COX7A2L: variants seen among roughly 807,000 people sequenced by gnomAD.
COX7A2L encodes the protein cytochrome c oxidase subunit 7A2-like, mitochondrial.
A neutral mutation model predicts 14.2 loss-of-function variants in COX7A2L; 18 were observed. The ratio of observed to expected loss-of-function variants is 1.27; its 90% CI spans 0.88 to 1.88. The LOEUF is 1.88. Ranked by LOEUF, COX7A2L falls within the 40% of genes most tolerant of loss-of-function variation. The pLI is 0.00. For synonymous variants in COX7A2L, 65 were observed against 57.4 expected, an observed-to-expected ratio of 1.13 and a Z score of -0.60; for missense variants, 179 against 138.8, an observed-to-expected ratio of 1.29 and a Z score of -1.46.
chr2:42,339,850 T>TG lies in COX7A2L; in HGVS notation c.193-5982dup, dbSNP rs945338099. Among the ~76,000 whole-genome samples the TG allele has an allele frequency of 1.2e-4, 19 of 152,098 alleles. No individual in the cohort carries two copies. Among genetic ancestry groups the TG allele is most frequent in the African/African-American group, 3.9e-4 (16 of 41,398 alleles). ...GGTTTGGTTTTAGCTTTTACATGAA[T>TG]GGAACCCCAAGTGTGCTCTCTGTCG... On this transcript the variant is annotated intron_variant, in intron 2 of 2. Coordinates refer to the COX7A2L transcript ENST00000468711. This position sits in a 1 kb window ranked among gnomAD's most constrained non-coding sequence, Gnocchi z 5.4.
Position 42,339,184 on chromosome 2 carries a change from A to ATT in COX7A2L, c.193-5317_193-5316dup, listed in dbSNP as rs1188035365. 6.6e-6 allele frequency among the ~76,000 whole-genome samples: 1 copy of ATT among 152,194 alleles called. No individual in the cohort carries two copies. The highest frequency in any genetic ancestry group is 2.4e-5 in the African/African-American group (1 of 41,456). ...TTTTTTAATCAAATTTTAGTAGTTA[A>ATT]TTACTTTTTTTATTAACCATTATCA... On this transcript the variant is annotated intron_variant, in intron 2 of 2. Transcript: ENST00000468711. The surrounding 1 kb of genome is among the most constrained non-coding windows in gnomAD (Gnocchi z 5.4).
rs568236907 is a variant in COX7A2L, at chr2:42,366,283, G to A, written c.-688+2585C>T. Among the ~76,000 whole-genome samples, 19 of 152,228 alleles carry A rather than the reference G, an allele frequency of 1.2e-4. No individual in the cohort carries two copies. The East Asian group carries it at 2.9e-3, about 23-fold the overall frequency. On this transcript the variant is annotated intron_variant, in intron 1 of 3. Coordinates refer to the COX7A2L transcript ENST00000378669. ...CATCTCTAAAATACAAAAATTAGTC[G>A]GGCGTGATTGCACACCTGTAGTCCC...
intron 2 of COX7A2L, among the ~76,000 whole-genome samples, chr2:42,340,006 A>ACACCCCTGGTTTCTGCAGC (rs1308388738): frequency 6.6e-6 from 1 of 152,084 alleles, no homozygotes. Flanking sequence ...AATGTCGCAG[A>ACACCCCTGGTTTCTGCAGC]CACCCCTGGT....
At chr2:42,368,175 T>A (rs1434467974) in intron 1 of COX7A2L, among the ~76,000 whole-genome samples, 1 of 152,222 alleles carries the variant, frequency 6.6e-6, no homozygotes, top group Non-Finnish European at 1.5e-5. Context: ...TGTGCACTCA[T>A]GTTTTGTTTA....
At chr2:42,348,961 C>G (rs530227066), downstream of COX7A2L, among the ~76,000 whole-genome samples, 1 of 152,182 alleles carries the variant, frequency 6.6e-6, no homozygotes, top group South Asian at 2.1e-4. Context: ...ATGTATGATC[C>G]TTTGCTGGAT....
chr2:42,350,388 T>C lies in COX7A2L; in HGVS notation c.*831A>G, dbSNP rs1168124569. The C allele has an allele frequency of 1.3e-5, 2 of 152,200 alleles. No homozygotes were observed. The highest frequency in any genetic ancestry group is 2.9e-5 in the Non-Finnish European group (2 of 68,032). The allele number at this position is 152,200 out of a possible 1,614,324, so 9.4% of individuals were successfully genotyped here. ...ATTACTAGACTTTTAAGAACCATTT[T>C]ATAAAGATTATCTGGTGCCTAATTA... On this transcript the variant is annotated 3_prime_UTR_variant, in exon 3 of 3. Transcript: ENST00000234301.
At chr2:42,345,921 G>A (rs1433096129), downstream of COX7A2L, among the ~76,000 whole-genome samples, 5 of 152,184 alleles carry the variant, frequency 3.3e-5, no homozygotes, top group Admixed American at 2.0e-4. Flanking sequence ...AGACGAGCCG[G>A]TGAGAGGGAG....
At chr2:42,337,483 AGG>A (rs34048080) in intron 2 of COX7A2L, among the ~76,000 whole-genome samples, 3 of 152,040 alleles carry the variant, frequency 2.0e-5, no homozygotes, top group Non-Finnish European at 4.4e-5. Flanking sequence ...GCAACTACAA[AGG>A]GGTGGCACAA....
rs774564757 is a variant in COX7A2L, at chr2:42,361,130, T to A, written c.32A>T (p.Lys11Met). Reference sequence around the variant, plus strand: ...CTCCGAAGCCCATGCTCCTGCCAACTTCTGCGTGAAGCCACTAAACTTGTA... The same window carrying A: ...CTCCGAAGCCCATGCTCCTGCCAACATCTGCGTGAAGCCACTAAACTTGTA... MYYKFSGFTQ[K>M]LAGAWASEAY... Residue 11 changes from lysine to methionine, a missense_variant, in exon 1 of 3, where the codon AAG (lysine) becomes ATG (methionine). By Grantham distance (95) the Lys-to-Met change is moderately conservative. Coordinates refer to ENST00000234301, the MANE Select transcript of COX7A2L (RefSeq NM_004718.4). 2.5e-6 allele frequency: 4 copies of A among 1,613,824 alleles called. No individual in the cohort carries two copies. Among genetic ancestry groups the A allele is most frequent in the Non-Finnish European group, 2.5e-6 (3 of 1,179,922 alleles).
Position 42,349,754 on chromosome 2 carries a change from T to C in COX7A2L, c.*1465A>G, listed in dbSNP as rs1670580814. The C allele has an allele frequency of 6.6e-6, 1 of 152,196 alleles. No individual in the cohort carries two copies. Among genetic ancestry groups the C allele is most frequent in the Admixed American group, 6.5e-5 (1 of 15,278 alleles). 9.4% of individuals were successfully genotyped at this position (152,196 alleles called of 1,614,324 possible). ...ACTTTATTGAGTCTGACAACTGCATTATGGTTATAAAGGAACACATGTCCT... is the reference window on the plus strand; with the variant it reads ...ACTTTATTGAGTCTGACAACTGCATCATGGTTATAAAGGAACACATGTCCT... On this transcript the variant is annotated 3_prime_UTR_variant, in exon 3 of 3. Coordinates refer to ENST00000234301, the MANE Select transcript of COX7A2L (RefSeq NM_004718.4).
downstream of COX7A2L, among the ~76,000 whole-genome samples, chr2:42,347,653 G>A (rs750291494): frequency 4.6e-5 from 7 of 152,162 alleles, no homozygotes; most frequent in South Asian, 2.1e-4. Flanking sequence ...CGGGCGTGGT[G>A]GCTCACACCT....
downstream of COX7A2L, among the ~76,000 whole-genome samples, chr2:42,346,930 G>C (rs576279387): frequency 6.6e-6 from 1 of 151,608 alleles, no homozygotes. Context: ...AAATTCTTTA[G>C]AGATTGGCTT....
At chr2:42,345,191 T>C (rs1351457199), downstream of COX7A2L, among the ~76,000 whole-genome samples, 1 of 152,074 alleles carries the variant, frequency 6.6e-6, no homozygotes, top group Non-Finnish European at 1.5e-5. Context: ...GAGACCAGCC[T>C]GACCAACATG....
chr2:42,351,333 C>A lies in COX7A2L; in HGVS notation c.231G>T (p.Leu77=). The A allele has an allele frequency of 6.2e-7, 1 of 1,614,136 alleles. No homozygotes were observed. The highest frequency in any genetic ancestry group is 8.5e-7 in the Non-Finnish European group (1 of 1,180,014). The change falls in exon 3 of 3, where the codon CTG becomes CTT. Residue 77 remains leucine (L), a synonymous_variant. Transcript: ENST00000234301. ...GCATTTGGTCAGGCAGGCCTCGTTT[C>A]AGGTAGACGGGCACACCATCAGCTT... The part of the protein sequence containing the change: ...FQKADGVPVY[L]KRGLPDQMLY...
chr2:42,359,454 C>A (rs1282631503), intron 1 of COX7A2L: 2 of 152,146 alleles, frequency 1.3e-5, no homozygotes, highest in Non-Finnish European at 2.9e-5. Context: ...CATTTAATAT[C>A]CATACACTGG....
chr2:42,347,722 G>A (rs1670526423), downstream of COX7A2L, among the ~76,000 whole-genome samples: 2 of 152,182 alleles, frequency 1.3e-5, no homozygotes, highest in South Asian at 4.1e-4. Flanking sequence ...AGGAGTTCAA[G>A]ACCAGCCTGA....
At chr2:42,355,717 CTTTTTTTTTTTTTT>C (rs386390054) in intron 1 of COX7A2L, among the ~76,000 whole-genome samples, 5 of 69,048 alleles carry the variant, frequency 7.2e-5, no homozygotes, top group Non-Finnish European at 1.4e-4. Flanking sequence ...ATCCTACGTT[CTTTTTTTTTTTTTT>C]TTTTTTTTTT....
rs1338228497 is a variant in COX7A2L at position 42,353,254 on chromosome 2, A to C, written c.162T>G (p.Tyr54Ter). ...GCTCTGGAACTTTGTTTTTCCCAGCATAATCATACACTGTGGAATCGGAGG... is the reference window on the plus strand; with the variant it reads ...GCTCTGGAACTTTGTTTTTCCCAGCCTAATCATACACTGTGGAATCGGAGG... ...KLTSDSTVYD[Y>*]AGKNKVPELQ... Residue 54 changes from tyrosine to a stop codon, truncating the protein, a stop_gained, in exon 2 of 3, where the codon TAT becomes TAG. Coordinates refer to ENST00000234301, the MANE Select transcript of COX7A2L (RefSeq NM_004718.4). LOFTEE classifies it high-confidence loss of function. The C allele has an allele frequency of 1.9e-6, 3 of 1,614,192 alleles. No homozygotes were observed. The highest frequency in any genetic ancestry group is 1.7e-5 in the Admixed American group (1 of 60,028).
intron 2 of COX7A2L, among the ~76,000 whole-genome samples, chr2:42,344,100 A>C (rs13025257): frequency 1.2e-4 from 19 of 152,230 alleles, no homozygotes; most frequent in Non-Finnish European, 1.9e-4. Flanking sequence ...AAAAATTTAC[A>C]TCTATGCATA....
Sources: gnomAD v4.1 joint callset for allele counts (sites outside exome capture counted in the v4.1 genomes callset) on GRCh38, gnomAD v4.1.1 for gene constraint, Gnocchi (gnomAD v3.1) non-coding constraint, MANE v1.5 for transcripts, NCBI Gene and HGNC (gene_info 2026-07-23, HGNC 2026-07-21) for gene names.